The following ZNF286A variants were observed in gnomAD, a reference collection of about 807,000 sequenced individuals.
The protein encoded by ZNF286A is zinc finger protein 286A.
In ZNF286A, 34 loss-of-function variants were observed where a neutral mutation model predicts 49.3. The ratio of observed to expected loss-of-function variants is 0.69; its 90% CI spans 0.52 to 0.92. The LOEUF (loss-of-function observed/expected upper bound fraction) is 0.92. Ranked by LOEUF, ZNF286A falls within the 40% of genes least tolerant of loss-of-function variation. The pLI, the probability that ZNF286A is intolerant of heterozygous loss-of-function variation, is 0.00. For missense variants in ZNF286A, 462 were observed against 600.2 expected (o/e 0.77, Z 2.41); for synonymous variants, 155 against 200.4 (o/e 0.77, Z 1.91).
chr17:15,703,874 A>G (rs1989976131), intron 3 of ZNF286A, among the ~76,000 whole-genome samples: 1 of 151,670 alleles, frequency 6.6e-6, no homozygotes, highest in Admixed American at 6.6e-5. Flanking sequence ...AATGGTTTGC[A>G]TTTTTGTTGT....
rs1406862406 is a variant in ZNF286A at position 15,720,697 on chromosome 17, G to A, written c.*3407G>A. On this transcript the variant is annotated 3_prime_UTR_variant, in exon 6 of 6. Coordinates refer to ENST00000583566, the MANE Select transcript of ZNF286A (RefSeq NM_001130842.2). ...TGAATCTTGGAAATTTTAATGTTAT[G>A]CATTTCAAATGTTTTTGGTTATCTG... 1 of 150,426 alleles carries A rather than the reference G, an allele frequency of 6.6e-6. No homozygotes were observed. Among genetic ancestry groups the A allele is most frequent in the Non-Finnish European group, 1.5e-5 (1 of 67,676 alleles). The allele number at this position is 150,426 out of a possible 1,614,324, so 9.3% of individuals were successfully genotyped here.
intron 5 of ZNF286A, among the ~76,000 whole-genome samples, chr17:15,713,922 A>G (rs560914125): frequency 9.2e-4 from 140 of 152,132 alleles, no homozygotes; most frequent in African/African-American, 3.2e-3. Flanking sequence ...CAGATACCCA[A>G]GTTAGATAAC....
At chr17:15,701,291 T>C in intron 3 of ZNF286A, 51 bp downstream of exon 3, 2 of 1,556,456 alleles carry the variant, frequency 1.3e-6, no homozygotes, top group Non-Finnish European at 1.8e-6. Context: ...AGAGTACAGA[T>C]GCACTCCCTT....
intron 5 of ZNF286A, among the ~76,000 whole-genome samples, chr17:15,709,334 A>G (rs1990472418): frequency 6.7e-6 from 1 of 148,750 alleles, no homozygotes; most frequent in Admixed American, 6.7e-5. Context: ...TACTACAAAT[A>G]CAAAAAAATT....
chr17:15,714,703 A>AAGG (rs1234570263), intron 5 of ZNF286A, among the ~76,000 whole-genome samples: 3 of 152,144 alleles, frequency 2.0e-5, no homozygotes, highest in Admixed American at 6.5e-5. Flanking sequence ...TGTTAGATTA[A>AAGG]ATTTTCTCTT....
intron 5 of ZNF286A, among the ~76,000 whole-genome samples, chr17:15,711,823 A>G (rs151322828): frequency 6.6e-6 from 1 of 150,742 alleles, no homozygotes; most frequent in East Asian, 2.0e-4. Flanking sequence ...AGTTTTTTTC[A>G]AGAGAGAAAC....
intron 3 of ZNF286A, among the ~76,000 whole-genome samples, chr17:15,701,902 G>T (rs1433141262): frequency 6.6e-6 from 1 of 151,606 alleles, no homozygotes; most frequent in Admixed American, 6.6e-5. Context: ...GCAGGTAGAT[G>T]ACTAGGTGAG....
At chr17:15,704,887 A>C in intron 3 of ZNF286A, 5 of 1,610,602 alleles carry the variant, frequency 3.1e-6, no homozygotes, top group Non-Finnish European at 4.2e-6. Flanking sequence ...CAGTTTCTCC[A>C]CGTTGGAGTT....
Position 15,708,163 on chromosome 17 carries a change from G to A in ZNF286A, c.250G>A (p.Val84Ile), listed in dbSNP as rs1990380486. 1.9e-6 allele frequency: 3 copies of A among 1,575,874 alleles called. No individual in the cohort carries two copies. In the African/African-American group the frequency reaches 4.1e-5, roughly 22 times the overall value. ...TTTTTTTAAATGAATAGGGCTTCCA[G>A]TTTCCAAACCTGAGAGCTACAACTT... The part of the protein sequence containing the change: ...YRNLVSLWLP[V>I]SKPESYNLEN... The change falls in exon 5 of 6, where the codon GTT becomes ATT. Residue 84 changes from valine (V) to isoleucine (I), a missense_variant. This residue lies in a region of ZNF286A where 259 missense variants were observed against 272.2 expected (regional missense o/e 0.95). Coordinates refer to ENST00000583566, the MANE Select transcript of ZNF286A (RefSeq NM_001130842.2).
chr17:15,701,037 C>T, intron 2 of ZNF286A, 115 bp from the exon 3 acceptor site: 1 of 697,098 alleles, frequency 1.4e-6, no homozygotes, highest in South Asian at 2.0e-5. Flanking sequence ...TTGGGGGTAC[C>T]TTCAGTCTCA....
intron 3 of ZNF286A, among the ~76,000 whole-genome samples, chr17:15,702,975 G>A (rs1461479785): frequency 6.6e-6 from 1 of 152,130 alleles, no homozygotes; most frequent in Non-Finnish European, 1.5e-5. Context: ...ACATCTTCCT[G>A]TGTTGAAGGC....
At chr17:15,701,770 T>C (rs2601948) in intron 3 of ZNF286A, among the ~76,000 whole-genome samples, 1 of 152,250 alleles carries the variant, frequency 6.6e-6, no homozygotes, top group Non-Finnish European at 1.5e-5. Flanking sequence ...TATGATCATG[T>C]CTGCAACTTA....
At chr17:15,714,125 TA>T (rs1190356513) in intron 5 of ZNF286A, among the ~76,000 whole-genome samples, 1 of 152,134 alleles carries the variant, frequency 6.6e-6, no homozygotes, top group African/African-American at 2.4e-5. Context: ...CTTCAAGGAT[TA>T]AAATTCAATG....
intron 5 of ZNF286A, 187 bp downstream of exon 5, chr17:15,708,434 G>A: frequency 2.4e-6 from 1 of 416,724 alleles, no homozygotes; most frequent in South Asian, 1.2e-4. Context: ...ACTGAGATTA[G>A]ACACGTACTA....
intron 5 of ZNF286A, among the ~76,000 whole-genome samples, chr17:15,709,131 C>G (rs1004337657): frequency 4.5e-4 from 68 of 151,792 alleles, no homozygotes; most frequent in African/African-American, 1.4e-3. Context: ...TTTTAGCCAT[C>G]CTTTTGAGGT....
At position 15,718,064 on chromosome 17, in the gene ZNF286A, G is replaced by A. The variant is rs972166622; in HGVS notation, c.*774G>A. 7 of 149,568 alleles carry A rather than the reference G, an allele frequency of 4.7e-5. No individual in the cohort carries two copies. The highest frequency in any genetic ancestry group is 1.7e-4 in the African/African-American group (7 of 40,424). 9.3% of individuals were successfully genotyped at this position (149,568 alleles called of 1,614,324 possible). A position where few individuals can be genotyped will look rare whatever the true frequency, so the allele number is the denominator to read the frequency against. On this transcript the variant is annotated 3_prime_UTR_variant, in exon 6 of 6. Coordinates refer to ENST00000583566, the MANE Select transcript of ZNF286A (RefSeq NM_001130842.2). Reference sequence around the variant, plus strand: ...TTCTCTTGTCTCAGCCTCCCAAGTAGCTGGGACTACAGGCACCTGCCAGTA... The same window carrying A: ...TTCTCTTGTCTCAGCCTCCCAAGTAACTGGGACTACAGGCACCTGCCAGTA...
intron 5 of ZNF286A, among the ~76,000 whole-genome samples, chr17:15,712,119 T>A (rs558953548): frequency 1.1e-4 from 17 of 152,292 alleles, no homozygotes; most frequent in African/African-American, 3.6e-4. Flanking sequence ...TGATCCGCCC[T>A]CCTTGGCCTC....
rs1990547116 is a variant in ZNF286A at position 15,710,176 on chromosome 17, A to G, written c.334+1929A>G. Among the ~76,000 whole-genome samples the G allele has an allele frequency of 5.3e-5, 8 of 152,310 alleles. No individual in the cohort carries two copies. The South Asian group carries it at 1.4e-3, about 28-fold the overall frequency. ...CTTCATATATTTTAGGTACTAATCTATGACAGAAGTAGCATTGCAAGTCAG... is the reference window on the plus strand; with the variant it reads ...CTTCATATATTTTAGGTACTAATCTGTGACAGAAGTAGCATTGCAAGTCAG... On this transcript the variant is annotated intron_variant, in intron 5 of 5. Transcript: ENST00000583566.
At chr17:15,703,885 T>A (rs1197989390) in intron 3 of ZNF286A, among the ~76,000 whole-genome samples, 2 of 152,086 alleles carry the variant, frequency 1.3e-5, no homozygotes, top group African/African-American at 4.8e-5. Flanking sequence ...TTTTTGTTGT[T>A]CTGGCTTTTT....
Sources: gnomAD v4.1 joint callset for allele counts (sites outside exome capture counted in the v4.1 genomes callset) on GRCh38, gnomAD v4.1.1 for gene constraint, gnomAD v4.1.1 regional missense constraint, MANE v1.5 for transcripts, NCBI Gene and HGNC (gene_info 2026-07-23, HGNC 2026-07-21) for gene names.